The following NEGR1 variants were observed in gnomAD, a reference collection of about 807,000 sequenced individuals.
The protein encoded by NEGR1 is IgLON family member 4.
NEGR1 carries 10 observed loss-of-function variants against 40.9 expected under a neutral mutation model. The observed-to-expected ratio is 0.24, with a 90% CI of 0.15 to 0.42. The LOEUF (loss-of-function observed/expected upper bound fraction) is 0.42, where lower values mean the gene tolerates loss of function less well. NEGR1 is among the 10% of genes least tolerant of loss of function. The probability of loss-of-function intolerance (pLI) is 1.00; values close to 1 mark genes in which losing one functional copy is unlikely to be tolerated. For missense variants in NEGR1, 352 were observed against 438.9 expected (o/e 0.80, Z 1.77); for synonymous variants, 185 against 166.8 (o/e 1.11, Z -0.84).
chr1:72,174,533 AC>A (rs1445990661), intron 1 of NEGR1, among the ~76,000 whole-genome samples: 1 of 152,040 alleles, frequency 6.6e-6, no homozygotes, highest in Non-Finnish European at 1.5e-5. Context: ...TGATCCTTTT[AC>A]TGTCTCCAGA....
At chr1:71,958,816 G>T (rs1041095424) in intron 1 of NEGR1, among the ~76,000 whole-genome samples, 1 of 151,952 alleles carries the variant, frequency 6.6e-6, no homozygotes, top group African/African-American at 2.4e-5. Flanking sequence ...TGAGCTGGGC[G>T]TGGTGGCAGG....
In NEGR1 at chr1:71,709,161, G is replaced by A. The variant is rs577486360; in HGVS notation, c.536-11022C>T. ...GTATTTCTGGTTCTAGGTCTTTGAG[G>A]AATTGCCACACTCTCTTTCACAATG... On this transcript the variant is annotated intron_variant, in intron 3 of 6. Coordinates refer to ENST00000357731, the MANE Select transcript of NEGR1 (RefSeq NM_173808.3). Among the ~76,000 whole-genome samples the A allele has an allele frequency of 1.3e-5, 2 of 152,168 alleles. 1 individual carries two copies. Among genetic ancestry groups the A allele is most frequent in the South Asian group, 4.1e-4 (2 of 4,820 alleles).
At chr1:71,833,499 A>C (rs899129592) in intron 2 of NEGR1, among the ~76,000 whole-genome samples, 1 of 152,088 alleles carries the variant, frequency 6.6e-6, no homozygotes, top group East Asian at 1.9e-4. Flanking sequence ...GGGGGAAAAA[A>C]GTATTTTTAT....
At chr1:72,242,857 C>T (rs1035987718) in intron 1 of NEGR1, among the ~76,000 whole-genome samples, 32 of 151,458 alleles carry the variant, frequency 2.1e-4, no homozygotes, top group African/African-American at 9.7e-5. Context: ...ATTGTTGAGT[C>T]GGCCCTGCAC....
intron 1 of NEGR1, among the ~76,000 whole-genome samples, chr1:71,953,774 C>A (rs1419013463): frequency 6.6e-6 from 1 of 151,962 alleles, no homozygotes; most frequent in African/African-American, 2.4e-5. Context: ...TTGTTGAAGG[C>A]TCAAATGATA....
chr1:71,449,863 G>A (rs758757410), intron 6 of NEGR1, among the ~76,000 whole-genome samples: 2 of 151,790 alleles, frequency 1.3e-5, no homozygotes, highest in Non-Finnish European at 2.9e-5. Flanking sequence ...TTGTAAGGCT[G>A]GATTTTTATA....
intron 6 of NEGR1, among the ~76,000 whole-genome samples, chr1:71,484,291 T>C (rs1209652893): frequency 6.6e-6 from 1 of 151,630 alleles, no homozygotes; most frequent in African/African-American, 2.4e-5. Flanking sequence ...TTCACCTTCA[T>C]GCAAGACTTT....
chr1:72,076,566 C>T (rs1647746613), intron 1 of NEGR1, among the ~76,000 whole-genome samples: 1 of 139,500 alleles, frequency 7.2e-6, no homozygotes, highest in African/African-American at 2.6e-5. Context: ...ACTGGTGATG[C>T]TATTCTCCGG....
intron 2 of NEGR1, among the ~76,000 whole-genome samples, chr1:71,799,417 G>A (rs539904387): frequency 1.3e-5 from 2 of 152,220 alleles, no homozygotes; most frequent in South Asian, 4.2e-4. Flanking sequence ...GTGTATACGT[G>A]CCACATTTTC....
At chr1:72,095,550 T>C (rs77273095) in intron 1 of NEGR1, among the ~76,000 whole-genome samples, 1,705 of 152,214 alleles carry the variant, frequency 0.011, 36 homozygotes, top group African/African-American at 0.039. Flanking sequence ...TCTGTTTGGA[T>C]CATGTTATAT....
At chr1:71,711,482 A>AG (rs1380393399) in intron 3 of NEGR1, among the ~76,000 whole-genome samples, 2 of 2,924 alleles carry the variant, frequency 6.8e-4, no homozygotes, top group Non-Finnish European at 0.027. Flanking sequence ...TAAAATTTAC[A>AG]AAAAAAAAAA....
At position 72,044,226 on chromosome 1, in the gene NEGR1, A is replaced by C. The variant is rs1294105259; in HGVS notation, c.177-108915T>G. Among the ~76,000 whole-genome samples, 3 of 151,542 alleles carry C rather than the reference A, an allele frequency of 2.0e-5. No homozygotes were observed. In the South Asian group the frequency reaches 6.2e-4, roughly 31 times the overall value. ...TATCATTAAGACTTGATTACTGGTA[A>C]GTAATTTGATAAAGTTGAGAAATTC... is the stretch of plus-strand genomic sequence containing the variant. On this transcript the variant is annotated intron_variant, in intron 1 of 6. Transcript: ENST00000357731.
intron 1 of NEGR1, among the ~76,000 whole-genome samples, chr1:72,067,950 G>A (rs935016322): frequency 6.6e-6 from 1 of 152,108 alleles, no homozygotes; most frequent in Non-Finnish European, 1.5e-5. Context: ...TTGGTATTCA[G>A]TTGTGAAATG....
At position 72,261,827 on chromosome 1, in the gene NEGR1, T is replaced by C. The variant is rs1480274822; in HGVS notation, c.176+20492A>G. Among the ~76,000 whole-genome samples the C allele has an allele frequency of 3.3e-5, 5 of 152,010 alleles. No homozygotes were observed. In the East Asian group the frequency reaches 9.6e-4, roughly 29 times the overall value. On this transcript the variant is annotated intron_variant, in intron 1 of 6. Coordinates refer to ENST00000357731, the MANE Select transcript of NEGR1 (RefSeq NM_173808.3). Reference sequence around the variant, plus strand: ...AGTTAAACAATGTGTAACATGAACATACAGAGTGGAATGATAGACATTGGA... The same window carrying C: ...AGTTAAACAATGTGTAACATGAACACACAGAGTGGAATGATAGACATTGGA...
intron 4 of NEGR1, among the ~76,000 whole-genome samples, chr1:71,673,697 G>A (rs928914403): frequency 2.0e-5 from 3 of 151,840 alleles, no homozygotes; most frequent in African/African-American, 7.3e-5. Flanking sequence ...GACACTAATG[G>A]GCATGTTACA....
chr1:71,454,987 C>T (rs935353583), intron 6 of NEGR1, among the ~76,000 whole-genome samples: 10 of 152,022 alleles, frequency 6.6e-5, no homozygotes, highest in African/African-American at 7.2e-5. Context: ...GCAGATCCCA[C>T]GGCGATCACT....
intron 5 of NEGR1, among the ~76,000 whole-genome samples, chr1:71,598,583 C>G (rs774640068): frequency 6.6e-6 from 1 of 152,162 alleles, no homozygotes; most frequent in Non-Finnish European, 1.5e-5. Flanking sequence ...CTCACACTCT[C>G]TCCAACTTAC....
At chr1:71,660,314 G>C (rs1652014265) in intron 4 of NEGR1, among the ~76,000 whole-genome samples, 1 of 152,024 alleles carries the variant, frequency 6.6e-6, no homozygotes, top group Non-Finnish European at 1.5e-5. Context: ...AACACACATT[G>C]GGGTCTGCTT....
At chr1:72,112,869 T>C (rs1649430139) in intron 1 of NEGR1, among the ~76,000 whole-genome samples, 1 of 151,684 alleles carries the variant, frequency 6.6e-6, no homozygotes, top group Non-Finnish European at 1.5e-5. Context: ...TTTGGTGTTT[T>C]GCAAAATCTT....
Sources: allele counts gnomAD v4.1 joint callset (sites outside exome capture counted in the v4.1 genomes callset), GRCh38; gene constraint gnomAD v4.1.1; transcripts MANE v1.5; gene names NCBI Gene and HGNC (gene_info 2026-07-23, HGNC 2026-07-21).